The following RB1 variants were observed in gnomAD, a reference collection of about 807,000 sequenced individuals.
RB1 encodes RB transcriptional corepressor 1.
In RB1, 18 loss-of-function variants were observed where a neutral mutation model predicts 135.4. The observed-to-expected ratio is 0.13, with a 90% CI of 0.09 to 0.20. RB1 has a LOEUF of 0.20. RB1 is among the 10% of genes least tolerant of loss of function. The probability of loss-of-function intolerance (pLI) is 1.00; values close to 1 mark genes in which losing one functional copy is unlikely to be tolerated. For missense variants in RB1, 868 were observed against 1,110.0 expected (o/e 0.78, Z 3.10); for synonymous variants, 365 against 373.2 (o/e 0.98, Z 0.25).
intron 12 of RB1, 105 bp downstream of exon 12, chr13:48,373,597 A>G: frequency 1.4e-6 from 1 of 700,602 alleles, no homozygotes; most frequent in Non-Finnish European, 2.5e-6. Context: ...CTCCTATCTA[A>G]CATGTAGTTA....
intron 16 of RB1, 49 bp downstream of exon 16, chr13:48,380,290 A>T: frequency 7.3e-7 from 1 of 1,376,730 alleles, no homozygotes; most frequent in Non-Finnish European, 1.0e-6. Flanking sequence ...TTAAAGTTAA[A>T]ATGTGGTGTG....
At chr13:48,389,909 C>T (rs1241308032) in intron 17 of RB1, 2 of 152,264 alleles carry the variant, frequency 1.3e-5, no homozygotes, top group East Asian at 3.8e-4. Context: ...AATCCCAGCA[C>T]TTTGGGAAGC....
At chr13:48,396,165 C>T (rs916555295) in intron 17 of RB1, among the ~76,000 whole-genome samples, 15 of 152,086 alleles carry the variant, frequency 9.9e-5, no homozygotes, top group Non-Finnish European at 2.2e-4. Flanking sequence ...TTATATAGAA[C>T]CTAAAAAGAG....
rs1032172153 is a variant in RB1, at chr13:48,304,081, G to C, written c.137+32G>C. 8 of 1,391,126 alleles carry C rather than the reference G, an allele frequency of 5.8e-6. No homozygotes were observed. The East Asian group carries it at 2.4e-4, about 42-fold the overall frequency. The allele number at this position is 1,391,126 out of a possible 1,614,324, so 86.2% of individuals were successfully genotyped here. ...GAGCAGAGCCGCCGTCGCCTCACGC[G>C]GGAAGGGCGCCCCGGGTGTGCGTAG... On this transcript the variant is annotated intron_variant, in intron 1 of 26. Transcript: ENST00000267163.
intron 24 of RB1, 36 bp from the exon 25 acceptor site, chr13:48,476,665 T>A (rs1164416531): frequency 1.3e-6 from 2 of 1,599,716 alleles, no homozygotes; most frequent in African/African-American, 2.7e-5. Context: ...ACACTGGCAT[T>A]TAATGATTTA....
chr13:48,478,053 T>TA lies in RB1; in HGVS notation c.2713+649_2713+650insA, dbSNP rs1187521279. 2.6e-5 allele frequency among the ~76,000 whole-genome samples: 4 copies of TA among 152,194 alleles called. No individual in the cohort carries two copies. The East Asian group carries it at 7.7e-4, about 29-fold the overall frequency. ...ATGTTCACTAACTACTATTGGGTTG[T>TA]CTTAGGTAGTTATGGTAGTGAGTGT... is the stretch of plus-strand genomic sequence containing the variant. On this transcript the variant is annotated intron_variant, in intron 26 of 26. Coordinates refer to ENST00000267163, the MANE Select transcript of RB1 (RefSeq NM_000321.3).
intron 2 of RB1, among the ~76,000 whole-genome samples, chr13:48,321,391 C>T (rs1952238990): frequency 6.8e-6 from 1 of 146,610 alleles, no homozygotes; most frequent in Non-Finnish European, 1.5e-5. Context: ...CGGGCCCCGC[C>T]TCCCCGCGCG....
intron 2 of RB1, among the ~76,000 whole-genome samples, chr13:48,308,465 C>T (rs570777731): frequency 2.0e-5 from 3 of 152,130 alleles, no homozygotes; most frequent in African/African-American, 7.2e-5. Flanking sequence ...CCAGCCTGGC[C>T]AACATGGTGA....
At chr13:48,450,996 T>C (rs1593528630) in intron 17 of RB1, among the ~76,000 whole-genome samples, 1 of 152,212 alleles carries the variant, frequency 6.6e-6, no homozygotes, top group East Asian at 1.9e-4. Context: ...TGTTGGTGTA[T>C]AGGAATGCTA....
Position 48,480,660 on chromosome 13 carries a change from CTG to C in RB1, c.*594_*595del, listed in dbSNP as rs1949533276. The C allele has an allele frequency of 8.9e-6, 2 of 225,458 alleles. No homozygotes were observed. Among genetic ancestry groups the C allele is most frequent in the Non-Finnish European group, 1.8e-5 (2 of 113,184 alleles). The allele number at this position is 225,458 out of a possible 1,614,324, so 14.0% of individuals were successfully genotyped here. A position where few individuals can be genotyped will look rare whatever the true frequency, so the allele number is the denominator to read the frequency against. On this transcript the variant is annotated 3_prime_UTR_variant, in exon 27 of 27. Coordinates refer to ENST00000267163, the MANE Select transcript of RB1 (RefSeq NM_000321.3). ...TATTTTACTATTGGAATCTGATATA[CTG>C]TGTGCTTGTTTTATAAAATTTTGCT...
At chr13:48,443,248 C>A (rs1949255324) in intron 17 of RB1, among the ~76,000 whole-genome samples, 1 of 151,282 alleles carries the variant, frequency 6.6e-6, no homozygotes, top group African/African-American at 2.4e-5. Context: ...AAAAAGATTC[C>A]TTTTTCAGTA....
chr13:48,343,444 T>C (rs1488524541), intron 3 of RB1, among the ~76,000 whole-genome samples: 1 of 152,174 alleles, frequency 6.6e-6, no homozygotes, highest in Non-Finnish European at 1.5e-5. Flanking sequence ...AATTGTTGCA[T>C]TTTTGAAATA....
At chr13:48,349,676 G>A (rs1039427517) in intron 6 of RB1, among the ~76,000 whole-genome samples, 13 of 151,918 alleles carry the variant, frequency 8.6e-5, no homozygotes, top group African/African-American at 2.9e-4. Flanking sequence ...AATGACATGA[G>A]TAAGTCCTTA....
chr13:48,363,731 G>A (rs544087428), intron 8 of RB1, among the ~76,000 whole-genome samples: 10 of 152,026 alleles, frequency 6.6e-5, no homozygotes, highest in Non-Finnish European at 2.9e-5. Context: ...GAATTCCCAG[G>A]AATTACTTGT....
At chr13:48,368,748 GTAA>G in intron 11 of RB1, 144 bp downstream of exon 11, 2 of 1,273,494 alleles carry the variant, frequency 1.6e-6, no homozygotes, top group Non-Finnish European at 2.1e-6. Context: ...GATCACACCT[GTAA>G]TCCCAGCACT....
chr13:48,322,910 G>C (rs1952253395), intron 2 of RB1, among the ~76,000 whole-genome samples: 1 of 150,630 alleles, frequency 6.6e-6, no homozygotes, highest in Admixed American at 6.6e-5. Context: ...TGCTAGATTT[G>C]GTTTGCTAAT....
rs2138142660 is a variant in RB1 at position 48,380,155 on chromosome 13, T to C, written c.1422-10T>C. Reference sequence around the variant, plus strand: ...GTAAGTATTTTATAATCTTTTTTTTTTTCCTTTAGCAAACTTCTGAATGAC... The same window carrying C: ...GTAAGTATTTTATAATCTTTTTTTTCTTCCTTTAGCAAACTTCTGAATGAC... On this transcript the variant is annotated splice_polypyrimidine_tract_variant and intron_variant, in intron 15 of 26. Coordinates refer to ENST00000267163, the MANE Select transcript of RB1 (RefSeq NM_000321.3). 6.4e-7 allele frequency: 1 copy of C among 1,555,042 alleles called. No homozygotes were observed. Among genetic ancestry groups the C allele is most frequent in the Non-Finnish European group, 8.7e-7 (1 of 1,150,060 alleles).
At chr13:48,465,749 G>C (rs1362153379) in intron 23 of RB1, among the ~76,000 whole-genome samples, 3 of 151,486 alleles carry the variant, frequency 2.0e-5, no homozygotes, top group African/African-American at 4.9e-5. Context: ...CACCTGGGAA[G>C]CGCAAGGGGT....
At chr13:48,364,064 A>G (rs1324024730) in intron 8 of RB1, among the ~76,000 whole-genome samples, 3 of 152,238 alleles carry the variant, frequency 2.0e-5, no homozygotes, top group African/African-American at 4.8e-5. Context: ...TTATCAAGAT[A>G]TATCATAGTT....
Sources: gnomAD v4.1 joint callset for allele counts (sites outside exome capture counted in the v4.1 genomes callset) on GRCh38, gnomAD v4.1.1 for gene constraint, MANE v1.5 for transcripts, NCBI Gene and HGNC (gene_info 2026-07-23, HGNC 2026-07-21) for gene names.